ATP8A2: variants seen among roughly 807,000 people sequenced by gnomAD.
ATP8A2 encodes phospholipid-transporting ATPase IB.
ATP8A2 carries 100 observed loss-of-function variants against 165.6 expected under a neutral mutation model. The observed-to-expected ratio is 0.60, with a 90% CI of 0.51 to 0.71. The LOEUF (loss-of-function observed/expected upper bound fraction) is 0.71, where lower values mean the gene tolerates loss of function less well. Ranked by LOEUF, ATP8A2 falls within the 30% of genes least tolerant of loss-of-function variation. The pLI is 0.00. For synonymous variants in ATP8A2, 543 were observed against 548.8 expected, an observed-to-expected ratio of 0.99 and a Z score of 0.15; for missense variants, 1,227 against 1,479.5, an observed-to-expected ratio of 0.83 and a Z score of 2.80.
chr13:25,953,302 AG>A lies in ATP8A2; in HGVS notation c.3184-8269del, dbSNP rs1368200872. On this transcript the variant is annotated intron_variant, in intron 33 of 36. Coordinates refer to ENST00000381655, the MANE Select transcript of ATP8A2 (RefSeq NM_016529.6). The surrounding 1 kb of genome is among the most constrained non-coding windows in gnomAD (Gnocchi z 6.7). ...TCTCTGGCTGCAGGTGCTGTGGGGA[AG>A]GGGCAGACTTAAATTTTCTTCTGTA... Among the ~76,000 whole-genome samples, 1 of 152,012 alleles carries A rather than the reference AG, an allele frequency of 6.6e-6. No individual in the cohort carries two copies. The highest frequency in any genetic ancestry group is 6.6e-5 in the Admixed American group (1 of 15,266).
chr13:25,758,929 T>G (rs1312807757), intron 25 of ATP8A2, among the ~76,000 whole-genome samples: 1 of 152,164 alleles, frequency 6.6e-6, no homozygotes, highest in South Asian at 2.1e-4. Flanking sequence ...AAGAGCTTTG[T>G]GTAAATTACC....
intron 33 of ATP8A2, among the ~76,000 whole-genome samples, chr13:25,937,257 T>C (rs1387667414): frequency 6.6e-6 from 1 of 151,938 alleles, no homozygotes; most frequent in Non-Finnish European, 1.5e-5. Flanking sequence ...TGTACCCTTG[T>C]AGTAAATATT....
At chr13:25,495,954 G>T (rs1433000510) in intron 2 of ATP8A2, among the ~76,000 whole-genome samples, 2 of 152,056 alleles carry the variant, frequency 1.3e-5, no homozygotes, top group Non-Finnish European at 2.9e-5. Context: ...TATACAGGCA[G>T]CACTAACTGA....
At chr13:25,595,801 A>T (rs1037904490) in intron 24 of ATP8A2, among the ~76,000 whole-genome samples, 2 of 152,198 alleles carry the variant, frequency 1.3e-5, no homozygotes, top group African/African-American at 4.8e-5. Flanking sequence ...GACACAGTGC[A>T]GGGCTGTCCT....
chr13:25,694,624 G>A (rs2042797255), intron 24 of ATP8A2, among the ~76,000 whole-genome samples: 1 of 152,200 alleles, frequency 6.6e-6, no homozygotes, highest in Non-Finnish European at 1.5e-5. Flanking sequence ...GGAAGGCATA[G>A]ATGTTTTCAG....
chr13:25,391,599 G>T (rs1477359937), intron 1 of ATP8A2, among the ~76,000 whole-genome samples: 2 of 152,170 alleles, frequency 1.3e-5, no homozygotes, highest in Admixed American at 1.3e-4. Flanking sequence ...TGTGTCCTTG[G>T]GGGCAGGAAG....
At chr13:25,621,964 GGAGTTT>G (rs1227086508) in intron 24 of ATP8A2, among the ~76,000 whole-genome samples, 2 of 152,070 alleles carry the variant, frequency 1.3e-5, no homozygotes, top group Non-Finnish European at 2.9e-5. Flanking sequence ...CCTGAGGTCA[GGAGTTT>G]GAGACCAGCC....
chr13:25,530,717 T>A, intron 4 of ATP8A2, 57 bp downstream of exon 4: 1 of 1,075,448 alleles, frequency 9.3e-7, no homozygotes, highest in Non-Finnish European at 1.4e-6. Context: ...ATAACTTATG[T>A]GTTGCCTCGG....
chr13:25,549,021 C>A (rs761378705), intron 10 of ATP8A2, among the ~76,000 whole-genome samples: 3 of 152,144 alleles, frequency 2.0e-5, no homozygotes, highest in Non-Finnish European at 2.9e-5. Context: ...GAGACATTTT[C>A]ATCCTAGCTC....
intron 2 of ATP8A2, among the ~76,000 whole-genome samples, chr13:25,496,545 G>T (rs903902689): frequency 2.0e-5 from 3 of 152,072 alleles, no homozygotes; most frequent in African/African-American, 7.2e-5. Context: ...ATATTTGAAG[G>T]CTAAATAAAT....
At chr13:25,722,397 A>T (rs958375900) in intron 25 of ATP8A2, among the ~76,000 whole-genome samples, 1 of 152,126 alleles carries the variant, frequency 6.6e-6, no homozygotes, top group Non-Finnish European at 1.5e-5. Context: ...GAAGTTCCCC[A>T]TTCCCTATAG....
Position 25,862,300 on chromosome 13 carries a change from G to A in ATP8A2, c.3076-1G>A. On this transcript the variant is annotated splice_acceptor_variant, in intron 32 of 36. Transcript: ENST00000381655. LOFTEE classifies it high-confidence loss of function. The stretch of plus-strand genomic sequence containing the variant: ...GTCTGAGTGTCTATTTCCCTCTGCA[G>A]TTCAGTCATCTGGCTGTCTGGGGAA... 1 of 1,613,340 alleles carries A rather than the reference G, an allele frequency of 6.2e-7. No individual in the cohort carries two copies. Among genetic ancestry groups the A allele is most frequent in the Non-Finnish European group, 8.5e-7 (1 of 1,179,336 alleles).
At chr13:25,505,083 T>C (rs1020800068) in intron 2 of ATP8A2, among the ~76,000 whole-genome samples, 6 of 152,090 alleles carry the variant, frequency 3.9e-5, no homozygotes, top group African/African-American at 1.4e-4. Context: ...ATAGTGTATG[T>C]GTTGGTTTTA....
chr13:25,916,345 C>T (rs893112861), intron 33 of ATP8A2, among the ~76,000 whole-genome samples: 9 of 152,202 alleles, frequency 5.9e-5, no homozygotes, highest in Non-Finnish European at 1.0e-4. Context: ...AGAACTGTGT[C>T]GACGGTACCA....
intron 27 of ATP8A2, among the ~76,000 whole-genome samples, chr13:25,789,349 A>G (rs1308413626): frequency 6.6e-6 from 1 of 152,206 alleles, no homozygotes; most frequent in African/African-American, 2.4e-5. Flanking sequence ...TTTAAACAAA[A>G]CAAAACCAGA....
chr13:25,768,954 G>A (rs1566119430), intron 25 of ATP8A2, 92 bp from the exon 26 acceptor site: 1 of 1,241,930 alleles, frequency 8.1e-7, no homozygotes, highest in Non-Finnish European at 1.2e-6. Context: ...AGATCGTCCA[G>A]TAACTGTCCT....
chr13:25,908,164 G>A (rs984248459), intron 33 of ATP8A2, among the ~76,000 whole-genome samples: 8 of 152,238 alleles, frequency 5.3e-5, no homozygotes, highest in East Asian at 3.9e-4. Flanking sequence ...GTCATGTAAC[G>A]CCCCATGGTT....
At chr13:25,867,710 G>A (rs569760751) in intron 33 of ATP8A2, among the ~76,000 whole-genome samples, 1 of 152,278 alleles carries the variant, frequency 6.6e-6, no homozygotes, top group Non-Finnish European at 1.5e-5. Flanking sequence ...GACACAGGGA[G>A]ACACTTGCTG....
intron 25 of ATP8A2, among the ~76,000 whole-genome samples, chr13:25,714,650 C>T (rs1229193097): frequency 6.6e-6 from 1 of 152,176 alleles, no homozygotes; most frequent in Non-Finnish European, 1.5e-5. Context: ...ATGTGATAGG[C>T]TAACCAAACC....
Sources: allele counts gnomAD v4.1 joint callset (sites outside exome capture counted in the v4.1 genomes callset), GRCh38; gene constraint gnomAD v4.1.1; non-coding constraint Gnocchi (gnomAD v3.1); transcripts MANE v1.5; gene names NCBI Gene and HGNC (gene_info 2026-07-23, HGNC 2026-07-21).